SLC12A8: variants seen among roughly 807,000 people sequenced by gnomAD.
The protein encoded by SLC12A8 is solute carrier family 12 member 8, also known as cation-chloride cotransporter 9.
In SLC12A8, 69 loss-of-function variants were observed where a neutral mutation model predicts 75.6. The ratio of observed to expected loss-of-function variants is 0.91; its 90% CI spans 0.75 to 1.11. The LOEUF (loss-of-function observed/expected upper bound fraction) is 1.11. Ranked by LOEUF, SLC12A8 falls within the 50% of genes most tolerant of loss-of-function variation. The pLI, the probability that SLC12A8 is intolerant of heterozygous loss-of-function variation, is 0.00. For synonymous variants in SLC12A8, 365 were observed against 372.8 expected (o/e 0.98, Z 0.24); for missense variants, 877 against 896.7 (o/e 0.98, Z 0.28).
chr3:125,163,188 C>G (rs557353776), intron 5 of SLC12A8, among the ~76,000 whole-genome samples: 1 of 152,128 alleles, frequency 6.6e-6, no homozygotes, highest in South Asian at 2.1e-4. Flanking sequence ...GTCCCAGCTA[C>G]TCAGGAGGCT....
At chr3:125,092,320 G>A in intron 10 of SLC12A8, 122 bp from the exon 11 acceptor site, 1 of 600,862 alleles carries the variant, frequency 1.7e-6, no homozygotes, top group South Asian at 1.9e-5. Context: ...ACATCTCCCA[G>A]GGCTTGCTCT....
At chr3:125,185,051 T>C (rs550644787) in intron 4 of SLC12A8, among the ~76,000 whole-genome samples, 39 of 151,922 alleles carry the variant, frequency 2.6e-4, no homozygotes, top group African/African-American at 8.9e-4. Flanking sequence ...CCGAGCACAG[T>C]GGCTTACGCC....
intron 9 of SLC12A8, 53 bp downstream of exon 9, chr3:125,110,136 G>T: frequency 1.9e-6 from 3 of 1,577,626 alleles, no homozygotes; most frequent in Non-Finnish European, 2.6e-6. Context: ...CAACAGTGAG[G>T]TTAGCAGCAA....
intron 8 of SLC12A8, among the ~76,000 whole-genome samples, chr3:125,116,063 C>T (rs974782551): frequency 2.6e-5 from 4 of 152,204 alleles, no homozygotes; most frequent in African/African-American, 9.6e-5. Flanking sequence ...ACTGCCTGAG[C>T]ACGGTACCTG....
intron 5 of SLC12A8, among the ~76,000 whole-genome samples, chr3:125,157,876 C>T (rs756017225): frequency 2.6e-5 from 4 of 152,144 alleles, no homozygotes; most frequent in African/African-American, 4.8e-5. Context: ...AGAGCCTGTG[C>T]CTTATTCTTG....
chr3:125,102,519 C>G (rs533418268), intron 10 of SLC12A8, among the ~76,000 whole-genome samples: 42 of 152,188 alleles, frequency 2.8e-4, no homozygotes, highest in Non-Finnish European at 3.7e-4. Context: ...ATTCAGTGGG[C>G]AGCATGAAGG....
intron 2 of SLC12A8, among the ~76,000 whole-genome samples, chr3:125,198,935 G>A (rs1193014851): frequency 2.6e-5 from 4 of 151,716 alleles, no homozygotes; most frequent in South Asian, 2.1e-4. Context: ...CCGCCACCAC[G>A]CCCGGCTAAT....
In SLC12A8 at chr3:125,187,273, C is replaced by G; in HGVS notation, c.354G>C (p.Thr118=). ...CATAGAGCAGCCCGATGGTGCCTCC[C>G]GTCTGCCCACCCAGGACCGAGGAGA... ...SMISSVLGGQ[T]GGTIGLLYVF... Residue 118 remains threonine, a synonymous_variant, in exon 4 of 14, where the codon ACG becomes ACC. Coordinates refer to ENST00000469902, the MANE Select transcript of SLC12A8 (RefSeq NM_024628.6). The G allele has an allele frequency of 6.2e-7, 1 of 1,614,172 alleles. No individual in the cohort carries two copies. Among genetic ancestry groups the G allele is most frequent in the Non-Finnish European group, 8.5e-7 (1 of 1,180,024 alleles).
At chr3:125,186,192 ATAAAG>A (rs1934778900) in intron 4 of SLC12A8, among the ~76,000 whole-genome samples, 1 of 152,184 alleles carries the variant, frequency 6.6e-6, no homozygotes, top group Admixed American at 6.5e-5. Flanking sequence ...CCCCAGGGTA[ATAAAG>A]TAAACTGACC....
chr3:125,097,594 G>A (rs947805080), intron 10 of SLC12A8, among the ~76,000 whole-genome samples: 1 of 149,968 alleles, frequency 6.7e-6, no homozygotes, highest in African/African-American at 2.5e-5. Flanking sequence ...AGGAACTTGG[G>A]CAGAAGTAGT....
chr3:125,179,704 TGAGAGAGAGAGA>T (rs5852445), intron 4 of SLC12A8, among the ~76,000 whole-genome samples: 6 of 150,266 alleles, frequency 4.0e-5, no homozygotes, highest in Non-Finnish European at 5.9e-5. Context: ...CAATCATTTC[TGAGAGAGAGAGA>T]GAGAGAGAGA....
intron 5 of SLC12A8, among the ~76,000 whole-genome samples, chr3:125,153,013 C>T (rs1933966532): frequency 6.6e-6 from 1 of 152,156 alleles, no homozygotes; most frequent in Non-Finnish European, 1.5e-5. Flanking sequence ...GCTCCGTCCA[C>T]CCTGCCACTC....
chr3:125,151,785 G>T (rs1298896742), intron 5 of SLC12A8, among the ~76,000 whole-genome samples: 2 of 152,134 alleles, frequency 1.3e-5, no homozygotes, highest in Non-Finnish European at 2.9e-5. Flanking sequence ...AAAACATTTT[G>T]ATTTTCTGAA....
intron 8 of SLC12A8, 61 bp from the exon 9 acceptor site, chr3:125,110,396 C>A (rs755540636): frequency 3.7e-4 from 576 of 1,553,570 alleles, no homozygotes; most frequent in Middle Eastern, 6.9e-4. Flanking sequence ...TTTCTACCCC[C>A]CCAGCACCCA....
At chr3:125,094,818 T>C (rs890992346) in intron 10 of SLC12A8, among the ~76,000 whole-genome samples, 1 of 152,218 alleles carries the variant, frequency 6.6e-6, no homozygotes, top group African/African-American at 2.4e-5. Context: ...AAACTACTCT[T>C]ACCAAAGTTG....
At chr3:125,104,017 A>AG (rs1440296220) in intron 10 of SLC12A8, among the ~76,000 whole-genome samples, 22 of 151,684 alleles carry the variant, frequency 1.5e-4, no homozygotes, top group Admixed American at 7.2e-4. Context: ...AAAAAAAAAA[A>AG]AGAGAGAGAA....
chr3:125,152,633 C>A (rs570340), intron 5 of SLC12A8, among the ~76,000 whole-genome samples: 91,002 of 151,586 alleles, frequency 0.6, 27,724 homozygotes, highest in Admixed American at 0.68. Context: ...AGAGAAGGAA[C>A]CACCCCTCCC....
chr3:125,150,369 A>T (rs1933889193), intron 5 of SLC12A8, among the ~76,000 whole-genome samples: 1 of 152,192 alleles, frequency 6.6e-6, no homozygotes, highest in South Asian at 2.1e-4. Context: ...ATGGATGGTT[A>T]TTTCGCAGTA....
intron 6 of SLC12A8, among the ~76,000 whole-genome samples, chr3:125,131,938 C>A (rs78658294): frequency 0.013 from 1,987 of 152,244 alleles, 17 homozygotes; most frequent in Admixed American, 0.019. Flanking sequence ...GCCGGTAAGA[C>A]CCCCAGAAGG....
Sources: allele counts gnomAD v4.1 joint callset (sites outside exome capture counted in the v4.1 genomes callset), GRCh38; gene constraint gnomAD v4.1.1; transcripts MANE v1.5; gene names NCBI Gene and HGNC (gene_info 2026-07-23, HGNC 2026-07-21).